OSBPL1A: variants seen among roughly 807,000 people sequenced by gnomAD.
OSBPL1A encodes oxysterol-binding protein-related protein 1.
OSBPL1A carries 80 observed loss-of-function variants against 137.1 expected under a neutral mutation model. That is an observed-to-expected ratio of 0.58 (90% CI 0.49 to 0.70). The LOEUF is 0.70. OSBPL1A is among the 30% of genes least tolerant of loss of function. The pLI is 0.00. For synonymous variants in OSBPL1A, 365 were observed against 389.7 expected, an observed-to-expected ratio of 0.94 and a Z score of 0.75; for missense variants, 970 against 1,129.4, an observed-to-expected ratio of 0.86 and a Z score of 2.02.
At chr18:24,308,922 C>T (rs891236884) in intron 13 of OSBPL1A, among the ~76,000 whole-genome samples, 4 of 152,104 alleles carry the variant, frequency 2.6e-5, no homozygotes, top group African/African-American at 9.7e-5. Flanking sequence ...AGGCGCCCGC[C>T]ACCATGCCTG....
intron 17 of OSBPL1A, among the ~76,000 whole-genome samples, chr18:24,217,692 T>C (rs145875998): frequency 6.6e-6 from 1 of 152,292 alleles, no homozygotes; most frequent in East Asian, 1.9e-4. Context: ...TGAAAGACTG[T>C]CAGGCAACTT....
intron 14 of OSBPL1A, among the ~76,000 whole-genome samples, chr18:24,301,623 G>A (rs897814000): frequency 6.6e-6 from 1 of 152,148 alleles, no homozygotes; most frequent in African/African-American, 2.4e-5. Flanking sequence ...TGTGAATTTT[G>A]TTATGTGAAT....
Position 24,178,198 on chromosome 18 carries a change from T to G in OSBPL1A, c.1911-3A>C. 1.4e-6 allele frequency: 2 copies of G among 1,476,354 alleles called. No individual in the cohort carries two copies. The allele number at this position is 1,476,354 out of a possible 1,614,324, so 91.5% of individuals were successfully genotyped here. A position where few individuals can be genotyped will look rare whatever the true frequency, so the allele number is the denominator to read the frequency against. On this transcript the variant is annotated splice_polypyrimidine_tract_variant and splice_region_variant and intron_variant, in intron 20 of 27. Coordinates refer to ENST00000319481, the MANE Select transcript of OSBPL1A (RefSeq NM_080597.4). ...TGAGTCTAAATCCAAGGTCATCTCT[T>G]AAGATTTAAAAAAAAAAAAAAAGAA... is the stretch of plus-strand genomic sequence containing the variant.
intron 13 of OSBPL1A, among the ~76,000 whole-genome samples, chr18:24,304,006 T>C (rs982422455): frequency 6.6e-6 from 1 of 152,228 alleles, no homozygotes; most frequent in African/African-American, 2.4e-5. Context: ...CATTATGCCA[T>C]GTGTATCTGA....
At chr18:24,270,384 C>G (rs1051567424) in intron 15 of OSBPL1A, among the ~76,000 whole-genome samples, 1 of 152,086 alleles carries the variant, frequency 6.6e-6, no homozygotes, top group Non-Finnish European at 1.5e-5. Context: ...CTTTTACTTC[C>G]CCCCCATTAT....
intron 1 of OSBPL1A, among the ~76,000 whole-genome samples, chr18:24,378,804 G>A (rs532064020): frequency 6.6e-6 from 1 of 152,276 alleles, no homozygotes; most frequent in South Asian, 2.1e-4. Flanking sequence ...ATGAGACTTA[G>A]CTGGTTATAT....
intron 4 of OSBPL1A, among the ~76,000 whole-genome samples, chr18:24,345,165 A>G (rs939377948): frequency 1.3e-5 from 2 of 152,120 alleles, no homozygotes; most frequent in African/African-American, 4.8e-5. Flanking sequence ...AACATCTATA[A>G]TGAAGGGTAA....
At chr18:24,218,776 A>C (rs548349801) in intron 17 of OSBPL1A, among the ~76,000 whole-genome samples, 3 of 152,266 alleles carry the variant, frequency 2.0e-5, no homozygotes, top group South Asian at 4.1e-4. Flanking sequence ...CTAACAATGT[A>C]TTATATACTT....
At chr18:24,289,155 C>G (rs2090127953) in intron 14 of OSBPL1A, among the ~76,000 whole-genome samples, 1 of 152,092 alleles carries the variant, frequency 6.6e-6, no homozygotes, top group Non-Finnish European at 1.5e-5. Flanking sequence ...AGGGGGATTT[C>G]TTTTTTGTGG....
intron 13 of OSBPL1A, among the ~76,000 whole-genome samples, chr18:24,305,670 T>C (rs1043507923): frequency 3.9e-5 from 6 of 152,246 alleles, no homozygotes; most frequent in Non-Finnish European, 8.8e-5. Context: ...GGAACTGATA[T>C]GATTTGGCTG....
chr18:24,241,031 T>G (rs1366551255), intron 15 of OSBPL1A, among the ~76,000 whole-genome samples: 1 of 152,232 alleles, frequency 6.6e-6, no homozygotes, highest in Non-Finnish European at 1.5e-5. Context: ...GGGGAAAGGA[T>G]TCCCTATTTA....
intron 9 of OSBPL1A, 60 bp from the exon 10 acceptor site, chr18:24,317,460 G>C (rs2146120688): frequency 7.7e-7 from 1 of 1,304,598 alleles, no homozygotes; most frequent in Non-Finnish European, 1.1e-6. Context: ...ATGCTTGACT[G>C]ATAAAAAGTA....
In OSBPL1A at chr18:24,303,162, G is replaced by A. The variant is rs149929544; in HGVS notation, c.1174+475C>T. 7.7e-3 allele frequency among the ~76,000 whole-genome samples: 1,167 copies of A among 152,118 alleles called. 6 individuals are homozygous for A. The highest frequency in any genetic ancestry group is 9.1e-3 in the Non-Finnish European group (622 of 67,992). On this transcript the variant is annotated intron_variant, in intron 14 of 27. Transcript: ENST00000319481. ...ATTACAAGCACGTGCCACCACACCC[G>A]GCTGATTTTTGTACTTTTAGTAGAG...
At chr18:24,277,902 A>G (rs551989672) in intron 15 of OSBPL1A, among the ~76,000 whole-genome samples, 3 of 152,252 alleles carry the variant, frequency 2.0e-5, no homozygotes, top group Non-Finnish European at 4.4e-5. Context: ...CTCAGAAGAT[A>G]CCTTCAATAC....
intron 4 of OSBPL1A, among the ~76,000 whole-genome samples, chr18:24,355,765 A>T (rs1343041948): frequency 6.6e-6 from 1 of 151,544 alleles, no homozygotes; most frequent in African/African-American, 2.4e-5. Context: ...CAGGCAGATC[A>T]CCTGAGGTCA....
At position 24,178,067 on chromosome 18, in the gene OSBPL1A, C is replaced by G; in HGVS notation, c.2039G>C (p.Trp680Ser). The G allele has an allele frequency of 1.2e-6, 2 of 1,613,946 alleles. No individual in the cohort carries two copies. Among genetic ancestry groups the G allele is most frequent in the South Asian group, 2.2e-5 (2 of 91,072 alleles). The change falls in exon 21 of 28, where the codon TGG (tryptophan) becomes TCG (serine). Residue 680 changes from tryptophan (W) to serine (S), a missense_variant. Transcript: ENST00000319481. ...HGSIYPKLKF[W>S]GKSVEAEPKG... ...GGGTTCTGCTTCTACACTCTTCCCC[C>G]AGAATTTCAGTTTGGGATAGATAGA...
intron 1 of OSBPL1A, among the ~76,000 whole-genome samples, chr18:24,392,000 C>T (rs2144287258): frequency 6.6e-6 from 1 of 152,100 alleles, no homozygotes. Flanking sequence ...GGACTACAGG[C>T]ACACGCCACC....
intron 15 of OSBPL1A, among the ~76,000 whole-genome samples, chr18:24,279,684 A>C (rs1380994576): frequency 6.6e-6 from 1 of 152,194 alleles, no homozygotes; most frequent in Non-Finnish European, 1.5e-5. Context: ...AGTGACCTTG[A>C]CTTACATTGA....
intron 1 of OSBPL1A, among the ~76,000 whole-genome samples, chr18:24,386,051 G>C (rs1026664689): frequency 1.3e-5 from 2 of 152,090 alleles, no homozygotes; most frequent in Non-Finnish European, 2.9e-5. Flanking sequence ...GGGAGCCAGG[G>C]GGAGAGCTCC....
Sources: gnomAD v4.1 joint callset for allele counts (sites outside exome capture counted in the v4.1 genomes callset) on GRCh38, gnomAD v4.1.1 for gene constraint, MANE v1.5 for transcripts, NCBI Gene and HGNC (gene_info 2026-07-23, HGNC 2026-07-21) for gene names.